The following IQCK variants were observed in gnomAD, a reference collection of about 807,000 sequenced individuals.
The protein encoded by IQCK is IQ motif containing K, also known as IQ domain-containing protein K.
IQCK carries 29 observed loss-of-function variants against 28.1 expected under a neutral mutation model. The ratio of observed to expected loss-of-function variants is 1.03; its 90% CI spans 0.77 to 1.41. IQCK has a LOEUF of 1.41. Ranked by LOEUF, IQCK falls within the 40% of genes most tolerant of loss-of-function variation. IQCK has a pLI of 0.00. For synonymous variants in IQCK, 113 were observed against 115.1 expected (o/e 0.98, Z 0.12); for missense variants, 359 against 314.7 (o/e 1.14, Z -1.07).
intron 4 of IQCK, among the ~76,000 whole-genome samples, chr16:19,753,884 A>G (rs2055018498): frequency 6.6e-6 from 1 of 151,966 alleles, no homozygotes; most frequent in African/African-American, 2.4e-5. Flanking sequence ...TCCACCTACT[A>G]CATCAAACAG....
At position 19,836,393 on chromosome 16, in the gene IQCK, A is replaced by G. The variant is rs1045255951; in HGVS notation, c.802+9256A>G. ...CATATCTTTTCATTTAAAATTTGCA[A>G]AAGTCTGCACAGCTATGACATGACA... On this transcript the variant is annotated intron_variant, in intron 9 of 9. Coordinates refer to the IQCK transcript ENST00000320394. Among the ~76,000 whole-genome samples the G allele has an allele frequency of 2.0e-5, 3 of 152,314 alleles. No individual in the cohort carries two copies. The South Asian group carries it at 6.2e-4, about 32-fold the overall frequency.
chr16:19,856,351 G>A (rs2056561731), intron 9 of IQCK, 136 bp from the exon 9 acceptor site: 3 of 675,934 alleles, frequency 4.4e-6, no homozygotes, highest in East Asian at 2.7e-5. Flanking sequence ...CCATGGGGCC[G>A]GAACCATGAA....
At chr16:19,719,662 G>T (rs1445872422) in intron 1 of IQCK, among the ~76,000 whole-genome samples, 11 of 149,010 alleles carry the variant, frequency 7.4e-5, no homozygotes, top group Non-Finnish European at 3.0e-5. Flanking sequence ...ATTTCTTGTT[G>T]GACTCAAATT....
intron 6 of IQCK, among the ~76,000 whole-genome samples, chr16:19,777,869 G>A (rs1025912412): frequency 1.3e-5 from 2 of 152,056 alleles, no homozygotes; most frequent in Non-Finnish European, 2.9e-5. Flanking sequence ...TGGCCAACGT[G>A]GTGAAACCCC....
intron 1 of IQCK, among the ~76,000 whole-genome samples, chr16:19,719,599 A>G (rs1290038313): frequency 5.9e-5 from 9 of 151,850 alleles, no homozygotes; most frequent in Non-Finnish European, 1.2e-4. Flanking sequence ...CCAAAAAAAA[A>G]AAAGTGTGGT....
chr16:19,725,939 G>T, intron 1 of IQCK, among the ~76,000 whole-genome samples: 1 of 143,284 alleles, frequency 7.0e-6, no homozygotes, highest in Non-Finnish European at 1.5e-5. Context: ...TTTTGGAGAT[G>T]GAGTCTCACT....
downstream of IQCK, among the ~76,000 whole-genome samples, chr16:19,830,974 C>G (rs528571946): frequency 2.0e-5 from 3 of 152,230 alleles, no homozygotes; most frequent in South Asian, 4.2e-4. Flanking sequence ...TCATGTAGGA[C>G]CGTGTTTGTC....
intron 4 of IQCK, among the ~76,000 whole-genome samples, chr16:19,747,162 A>C (rs2054922790): frequency 6.6e-6 from 1 of 152,156 alleles, no homozygotes; most frequent in Non-Finnish European, 1.5e-5. Context: ...TTTGCAAGTT[A>C]GCAACTTGGG....
intron 9 of IQCK, among the ~76,000 whole-genome samples, chr16:19,852,816 GT>G (rs1422053761): frequency 6.6e-6 from 1 of 151,870 alleles, no homozygotes; most frequent in African/African-American, 2.4e-5. Flanking sequence ...TAGAGACGGG[GT>G]TTCACCGTGT....
chr16:19,852,242 G>T (rs974856710), intron 9 of IQCK, among the ~76,000 whole-genome samples: 6 of 152,000 alleles, frequency 3.9e-5, no homozygotes, highest in African/African-American at 1.5e-4. Context: ...CCTTTTGGGG[G>T]GTGAAATATG....
intron 9 of IQCK, among the ~76,000 whole-genome samples, chr16:19,837,450 G>T (rs557474349): frequency 3.3e-5 from 5 of 152,262 alleles, no homozygotes; most frequent in African/African-American, 1.2e-4. Context: ...ACAGAACCGA[G>T]CTCCTGCCTT....
chr16:19,783,148 G>A (rs111810889), intron 6 of IQCK, among the ~76,000 whole-genome samples: 29 of 152,022 alleles, frequency 1.9e-4, no homozygotes, highest in African/African-American at 6.0e-4. Flanking sequence ...ACAGGTGTCC[G>A]CCACTACGCC....
At chr16:19,736,152 T>A in intron 4 of IQCK, 1 of 455,964 alleles carries the variant, frequency 2.2e-6, no homozygotes, top group Non-Finnish European at 4.4e-6. Flanking sequence ...CCATGCCAAC[T>A]GTCATGAATG....
At chr16:19,806,459 G>A (rs1326301952) in intron 7 of IQCK, among the ~76,000 whole-genome samples, 1 of 152,022 alleles carries the variant, frequency 6.6e-6, no homozygotes, top group Non-Finnish European at 1.5e-5. Flanking sequence ...GCTGAGGCGG[G>A]CAAATCACTT....
At chr16:19,767,471 C>T (rs776578805) in intron 6 of IQCK, among the ~76,000 whole-genome samples, 2 of 152,114 alleles carry the variant, frequency 1.3e-5, no homozygotes, top group African/African-American at 2.4e-5. Context: ...AGCTTTCCTC[C>T]GACTAACTGC....
chr16:19,745,389 C>G (rs1013027294), intron 4 of IQCK, among the ~76,000 whole-genome samples: 6 of 152,068 alleles, frequency 3.9e-5, no homozygotes, highest in Non-Finnish European at 8.8e-5. Flanking sequence ...AAAAAGGAGG[C>G]CAGTATGTTT....
At chr16:19,776,333 C>G (rs139523532) in intron 6 of IQCK, among the ~76,000 whole-genome samples, 50 of 152,276 alleles carry the variant, frequency 3.3e-4, no homozygotes, top group African/African-American at 1.2e-3. Context: ...TTATTCTGCT[C>G]TACTTCCCCT....
chr16:19,820,112 C>T (rs561119856), intron 7 of IQCK, among the ~76,000 whole-genome samples: 1 of 152,248 alleles, frequency 6.6e-6, no homozygotes, highest in East Asian at 1.9e-4. Context: ...AAGAGCTACA[C>T]TACCCAACTC....
At chr16:19,771,182 C>T (rs2151717930) in intron 6 of IQCK, among the ~76,000 whole-genome samples, 1 of 152,320 alleles carries the variant, frequency 6.6e-6, no homozygotes. Context: ...GCCTTGACTT[C>T]CTGGACTCAA....
Sources: allele counts gnomAD v4.1 joint callset (sites outside exome capture counted in the v4.1 genomes callset), GRCh38; gene constraint gnomAD v4.1.1; transcripts MANE v1.5; gene names NCBI Gene and HGNC (gene_info 2026-07-23, HGNC 2026-07-21).